INTS9: variants seen among roughly 807,000 people sequenced by gnomAD.
The protein encoded by INTS9 is protein related to CPSF subunits of 74 kDa.
Under a neutral mutation model 79.7 loss-of-function variants are expected in INTS9, and 55 were observed. The ratio of observed to expected loss-of-function variants is 0.69; its 90% confidence interval spans 0.56 to 0.86. The LOEUF (loss-of-function observed/expected upper bound fraction) is 0.86. Ranked by LOEUF, INTS9 falls within the 40% of genes least tolerant of loss-of-function variation. INTS9 has a pLI of 0.00. For missense variants in INTS9, 721 were observed against 831.5 expected (o/e 0.87, Z 1.64); for synonymous variants, 319 against 325.2 (o/e 0.98, Z 0.20).
At chr8:28,781,861 C>T (rs779132721) in intron 11 of INTS9, among the ~76,000 whole-genome samples, 6 of 152,102 alleles carry the variant, frequency 3.9e-5, no homozygotes. Context: ...GGATCCAGGT[C>T]ACTGTTCATT....
At chr8:28,778,078 C>T (rs943274150) in intron 12 of INTS9, 125 bp from the exon 13 acceptor site, 8 of 1,064,438 alleles carry the variant, frequency 7.5e-6, no homozygotes, top group African/African-American at 5.0e-5. Context: ...AGGAAGCACA[C>T]GTGGGGGACG....
At chr8:28,876,738 A>G (rs987648794) in intron 1 of INTS9, among the ~76,000 whole-genome samples, 1 of 152,152 alleles carries the variant, frequency 6.6e-6, no homozygotes, top group Non-Finnish European at 1.5e-5. Flanking sequence ...ATGAGAATCA[A>G]CTGGAAAGGG....
chr8:28,788,063 T>C (rs1803716439), intron 10 of INTS9, among the ~76,000 whole-genome samples, 174 bp from the exon 11 acceptor site: 1 of 152,254 alleles, frequency 6.6e-6, no homozygotes, highest in South Asian at 2.1e-4. Context: ...GTATCTTGTA[T>C]GTTTTTAAAC....
chr8:28,812,026 A>T (rs1282002699), intron 8 of INTS9, among the ~76,000 whole-genome samples: 1 of 152,188 alleles, frequency 6.6e-6, no homozygotes, highest in Non-Finnish European at 1.5e-5. Context: ...CTTGGGAAGG[A>T]TTTTAAACAG....
At position 28,889,948 on chromosome 8, in the gene INTS9, C is replaced by T; in HGVS notation, c.-66G>A. 1 of 1,334,290 alleles carries T rather than the reference C, an allele frequency of 7.5e-7. No homozygotes were observed. The highest frequency in any genetic ancestry group is 1.1e-6 in the Non-Finnish European group (1 of 931,392). 82.7% of individuals were successfully genotyped at this position (1,334,290 alleles called of 1,614,324 possible). On this transcript the variant is annotated 5_prime_UTR_variant, in exon 1 of 17. Transcript: ENST00000521022. ...CAAACCCAGGAAGCGTCTTCCGGTG[C>T]AATCTCCGCCACCTGCCAGCCGAGA... is the stretch of plus-strand genomic sequence containing the variant.
At chr8:28,786,556 G>C (rs1392169072) in intron 11 of INTS9, among the ~76,000 whole-genome samples, 2 of 152,146 alleles carry the variant, frequency 1.3e-5, no homozygotes, top group Non-Finnish European at 2.9e-5. Context: ...GCCTCCCAAA[G>C]TGTTGGGATT....
chr8:28,768,010 G>A lies in INTS9; in HGVS notation c.*136C>T, dbSNP rs544694619. The A allele has an allele frequency of 3.5e-5, 27 of 772,820 alleles. No homozygotes were observed. The highest frequency in any genetic ancestry group is 5.2e-5 in the Non-Finnish European group (24 of 458,192). 47.9% of individuals were successfully genotyped at this position (772,820 alleles called of 1,614,324 possible). A position where few individuals can be genotyped will look rare whatever the true frequency, so the allele number is the denominator to read the frequency against. On this transcript the variant is annotated 3_prime_UTR_variant, in exon 17 of 17. Transcript: ENST00000521022. ...TAAGTCCAGACCATTTCCCTCAAGA[G>A]CCACCTCTTCACTCCTTAAGCCAGA...
chr8:28,881,297 A>G (rs1222219693), intron 1 of INTS9, among the ~76,000 whole-genome samples: 10 of 119,396 alleles, frequency 8.4e-5, no homozygotes, highest in South Asian at 5.3e-4. Context: ...TCCGGGAGGG[A>G]GGTGGGGGGA....
At chr8:28,793,190 C>G (rs780253012) in intron 10 of INTS9, among the ~76,000 whole-genome samples, 3 of 152,104 alleles carry the variant, frequency 2.0e-5, no homozygotes, top group African/African-American at 4.8e-5. Flanking sequence ...AGTCCCGGAA[C>G]GTTTGGGAAG....
intron 6 of INTS9, among the ~76,000 whole-genome samples, chr8:28,822,966 G>A (rs1190322181): frequency 6.6e-6 from 1 of 152,028 alleles, no homozygotes; most frequent in African/African-American, 2.4e-5. Context: ...GAGTAAACAA[G>A]AAAAAGGAAG....
At chr8:28,846,606 T>C in intron 4 of INTS9, 141 bp downstream of exon 4, 2 of 641,928 alleles carry the variant, frequency 3.1e-6, no homozygotes, top group South Asian at 3.8e-5. Context: ...ACATTTTGGC[T>C]GTGTAACAAT....
At chr8:28,849,117 AT>A (rs1333949912) in intron 3 of INTS9, among the ~76,000 whole-genome samples, 1 of 152,230 alleles carries the variant, frequency 6.6e-6, no homozygotes, top group Non-Finnish European at 1.5e-5. Context: ...ACAAGAGAAA[AT>A]GCCTTATTTA....
At chr8:28,879,231 G>A (rs1338277261) in intron 1 of INTS9, among the ~76,000 whole-genome samples, 4 of 152,088 alleles carry the variant, frequency 2.6e-5, no homozygotes, top group African/African-American at 9.7e-5. Flanking sequence ...TAAACACCAT[G>A]ATCAAGTGGA....
At chr8:28,780,546 T>C in intron 12 of INTS9, 1 of 985,458 alleles carries the variant, frequency 1.0e-6, no homozygotes, top group African/African-American at 1.7e-5. Context: ...CTTCTTGAAA[T>C]GGCTTACGAT....
rs567793899 is a variant in INTS9, at chr8:28,857,029, T to C, written c.137+2407A>G. The stretch of plus-strand genomic sequence containing the variant: ...GAATAATGGCCTCCAGTTGCATCCA[T>C]GTCACTGCAAAGGGCATGATTTCAT... On this transcript the variant is annotated intron_variant, in intron 2 of 16. Coordinates refer to ENST00000521022, the MANE Select transcript of INTS9 (RefSeq NM_018250.4). Among the ~76,000 whole-genome samples the C allele has an allele frequency of 1.4e-4, 21 of 152,338 alleles. No homozygotes were observed. In the South Asian group the frequency reaches 1.9e-3, roughly 14 times the overall value.
At chr8:28,775,247 C>T (rs1802796660) in intron 14 of INTS9, among the ~76,000 whole-genome samples, 1 of 152,190 alleles carries the variant, frequency 6.6e-6, no homozygotes, top group Non-Finnish European at 1.5e-5. Context: ...AGGTAAGGAG[C>T]AGTCCTGACT....
intron 10 of INTS9, 100 bp from the exon 11 acceptor site, chr8:28,787,989 A>T (rs1803712795): frequency 9.4e-6 from 6 of 636,804 alleles, no homozygotes; most frequent in Non-Finnish European, 1.6e-5. Context: ...ACTGAAGTTT[A>T]TTTAAAAATT....
chr8:28,821,774 G>C (rs756277855), intron 6 of INTS9, among the ~76,000 whole-genome samples: 1 of 142,202 alleles, frequency 7.0e-6, no homozygotes, highest in South Asian at 2.2e-4. Context: ...TTTTTTTTTC[G>C]CTGCTGTTGT....
chr8:28,886,318 GCTCACTC>G (rs1810173494), intron 1 of INTS9, among the ~76,000 whole-genome samples: 2 of 152,090 alleles, frequency 1.3e-5, no homozygotes, highest in African/African-American at 4.8e-5. Flanking sequence ...TGCCATCACA[GCTCACTC>G]CAGCCTCAAC....
Sources: gnomAD v4.1 joint callset for allele counts (sites outside exome capture counted in the v4.1 genomes callset) on GRCh38, gnomAD v4.1.1 for gene constraint, MANE v1.5 for transcripts, NCBI Gene and HGNC (gene_info 2026-07-23, HGNC 2026-07-21) for gene names.